The following TSHZ2 variants were observed in gnomAD, a reference collection of about 807,000 sequenced individuals.
The protein encoded by TSHZ2 is teashirt zinc finger homeobox 2.
TSHZ2 carries 21 observed loss-of-function variants against 74.4 expected under a neutral mutation model. The ratio of observed to expected loss-of-function variants is 0.28; its 90% CI spans 0.20 to 0.41. The LOEUF (loss-of-function observed/expected upper bound fraction) is 0.41, where lower values mean the gene tolerates loss of function less well. Ranked by LOEUF, TSHZ2 falls within the 10% of genes least tolerant of loss-of-function variation. The pLI is 1.00. For missense variants in TSHZ2, 1,244 were observed against 1,293.5 expected (o/e 0.96, Z 0.59); for synonymous variants, 540 against 515.3 (o/e 1.05, Z -0.65).
At chr20:53,472,796 G>A (rs886695140) in intron 2 of TSHZ2, among the ~76,000 whole-genome samples, 4 of 151,438 alleles carry the variant, frequency 2.6e-5, no homozygotes, top group Non-Finnish European at 4.4e-5. Flanking sequence ...GTCAGTGGGT[G>A]CGCGCACCGT....
chr20:53,441,477 T>C (rs61344807), intron 2 of TSHZ2, among the ~76,000 whole-genome samples: 418 of 151,998 alleles, frequency 2.8e-3, no homozygotes, highest in African/African-American at 7.4e-3. Flanking sequence ...TTAGTAGAAA[T>C]GGGGTTTCAC....
intron 1 of TSHZ2, among the ~76,000 whole-genome samples, chr20:53,248,149 C>T (rs1990247216): frequency 6.6e-6 from 1 of 152,198 alleles, no homozygotes; most frequent in South Asian, 2.1e-4. Flanking sequence ...CAGCTCACTG[C>T]AGCCTCAACC....
intron 1 of TSHZ2, among the ~76,000 whole-genome samples, chr20:53,175,156 T>C (rs1187186724): frequency 8.3e-6 from 1 of 120,592 alleles, no homozygotes; most frequent in African/African-American, 2.9e-5. Flanking sequence ...TTTTTTTTTT[T>C]TTTCAACGGA....
At chr20:53,288,546 T>A (rs78584951) in intron 2 of TSHZ2, among the ~76,000 whole-genome samples, 2,327 of 152,326 alleles carry the variant, frequency 0.015, 71 homozygotes, top group African/African-American at 0.052. Flanking sequence ...AGTCTTGGCA[T>A]CCCATCAACA....
At chr20:53,047,474 CT>C (rs1388677023) in intron 1 of TSHZ2, among the ~76,000 whole-genome samples, 1 of 152,134 alleles carries the variant, frequency 6.6e-6, no homozygotes, top group Non-Finnish European at 1.5e-5. Flanking sequence ...AGGCAGGCCC[CT>C]CTTTTTAAAG....
At chr20:53,431,787 C>A (rs1461727279) in intron 2 of TSHZ2, among the ~76,000 whole-genome samples, 1 of 152,176 alleles carries the variant, frequency 6.6e-6, no homozygotes, top group Admixed American at 6.5e-5. Context: ...TAAGATATTT[C>A]TCTAAGTGTC....
chr20:53,269,364 G>T (rs766090470), intron 2 of TSHZ2, among the ~76,000 whole-genome samples: 1 of 151,998 alleles, frequency 6.6e-6, no homozygotes, highest in East Asian at 1.9e-4. Context: ...GGGGTGGGGG[G>T]GATAAAAGAT....
chr20:53,148,690 G>A (rs571255215), intron 1 of TSHZ2, among the ~76,000 whole-genome samples: 2 of 152,198 alleles, frequency 1.3e-5, no homozygotes, highest in South Asian at 2.1e-4. Flanking sequence ...TATAGATAAA[G>A]AAAATGAAGA....
intron 1 of TSHZ2, among the ~76,000 whole-genome samples, chr20:53,218,978 T>C (rs1989495062): frequency 6.6e-6 from 1 of 152,176 alleles, no homozygotes; most frequent in Non-Finnish European, 1.5e-5. Flanking sequence ...GTTTAATGAA[T>C]CAGCTGATTC....
At chr20:53,349,718 T>A (rs1395713601) in intron 2 of TSHZ2, among the ~76,000 whole-genome samples, 5 of 152,114 alleles carry the variant, frequency 3.3e-5, no homozygotes, top group African/African-American at 4.8e-5. Flanking sequence ...TTACTATTTT[T>A]AAAAATAATT....
intron 1 of TSHZ2, among the ~76,000 whole-genome samples, chr20:53,031,044 A>C (rs939309529): frequency 9.9e-5 from 15 of 152,168 alleles, no homozygotes; most frequent in Admixed American, 9.8e-4. Flanking sequence ...AACAACACTG[A>C]GATGAACATC....
At chr20:53,202,505 C>T (rs1989034107) in intron 1 of TSHZ2, among the ~76,000 whole-genome samples, 1 of 152,132 alleles carries the variant, frequency 6.6e-6, no homozygotes, top group African/African-American at 2.4e-5. Flanking sequence ...ACACTTACTG[C>T]TTGTTGACCA....
At chr20:53,292,138 T>C (rs1991290982) in intron 2 of TSHZ2, among the ~76,000 whole-genome samples, 1 of 152,114 alleles carries the variant, frequency 6.6e-6, no homozygotes, top group Admixed American at 6.5e-5. Flanking sequence ...TTAATAATAA[T>C]GACTAATTAT....
In TSHZ2 at chr20:53,254,603, G is replaced by A; in HGVS notation, c.1145G>A (p.Cys382Tyr). The change falls in exon 2 of 3, where the codon TGC becomes TAC. Residue 382 changes from cysteine to tyrosine, a missense_variant. Physicochemically the swap from Cys to Tyr is radical, Grantham distance 194 (BLOSUM62 -2). Transcript: ENST00000371497. ...GCCTGCAAGTCCCAGATCTTAAAGT[G>A]CATGGAGTGTGGGAGCTCCCATGAC... Reference protein sequence around the residue: ...FEACKSQILKCMECGSSHDTL... With the variant: ...FEACKSQILKYMECGSSHDTL... 6.2e-7 allele frequency: 1 copy of A among 1,613,114 alleles called. No homozygotes were observed. The highest frequency in any genetic ancestry group is 8.5e-7 in the Non-Finnish European group (1 of 1,179,142).
At chr20:53,047,974 G>A (rs766307583) in intron 1 of TSHZ2, among the ~76,000 whole-genome samples, 3 of 152,154 alleles carry the variant, frequency 2.0e-5, no homozygotes, top group East Asian at 1.9e-4. Context: ...AAGGGGAGAC[G>A]GGATGTGGCC....
intron 1 of TSHZ2, among the ~76,000 whole-genome samples, chr20:52,987,498 C>T (rs1411356911): frequency 6.7e-6 from 1 of 149,156 alleles, no homozygotes; most frequent in Non-Finnish European, 1.5e-5. Flanking sequence ...TCTCTCTTTC[C>T]CTCTCTCTTT....
chr20:53,077,605 C>T (rs962707934), intron 1 of TSHZ2, among the ~76,000 whole-genome samples: 8 of 151,960 alleles, frequency 5.3e-5, no homozygotes, highest in South Asian at 4.2e-4. Context: ...GAAGGGAGGA[C>T]GACCCAGGAG....
chr20:53,231,280 C>A (rs181703333), intron 1 of TSHZ2, among the ~76,000 whole-genome samples: 5 of 152,328 alleles, frequency 3.3e-5, no homozygotes, highest in Admixed American at 2.6e-4. Flanking sequence ...ATATACAAAT[C>A]ATTGAATGTC....
chr20:53,342,969 T>C (rs544847408), intron 2 of TSHZ2, among the ~76,000 whole-genome samples: 4 of 121,372 alleles, frequency 3.3e-5, no homozygotes, highest in East Asian at 2.2e-4. Flanking sequence ...TTTTTTTTTT[T>C]TTTTTTTTTT....
Sources: allele counts gnomAD v4.1 joint callset (sites outside exome capture counted in the v4.1 genomes callset), GRCh38; gene constraint gnomAD v4.1.1; transcripts MANE v1.5; gene names NCBI Gene and HGNC (gene_info 2026-07-23, HGNC 2026-07-21).